DEPDC5: variants seen among roughly 807,000 people sequenced by gnomAD.
DEPDC5 encodes the protein GATOR1 complex protein DEPDC5.
Under a neutral mutation model 217.3 loss-of-function variants are expected in DEPDC5, and 73 were observed. The observed-to-expected ratio is 0.34, with a 90% CI of 0.28 to 0.41. The LOEUF is 0.41. DEPDC5 is among the 10% of genes least tolerant of loss of function. The probability of loss-of-function intolerance (pLI) is 1.00; values close to 1 mark genes in which losing one functional copy is unlikely to be tolerated. For synonymous variants in DEPDC5, 733 were observed against 756.7 expected (o/e 0.97, Z 0.51); for missense variants, 1,675 against 2,070.1 (o/e 0.81, Z 3.70).
chr22:31,864,111 CTT>C lies in DEPDC5; in HGVS notation c.3330+2691_3330+2692del, dbSNP rs71783325. Among the ~76,000 whole-genome samples, 188 of 141,390 alleles carry C rather than the reference CTT, an allele frequency of 1.3e-3. 1 individual carries two copies. Among genetic ancestry groups the C allele is most frequent in the Middle Eastern group, 7.4e-3 (2 of 272 alleles). The allele number at this position is 141,390 out of a possible 152,430, so 92.8% of individuals were successfully genotyped here. ...GCCAATGGAGTCAGTTGGATGCTTT[CTT>C]TTTTTTTTTTTTGAGATGGAATTTC... On this transcript the variant is annotated intron_variant, in intron 33 of 42. Coordinates refer to ENST00000651528, the MANE Select transcript of DEPDC5 (RefSeq NM_001242896.3).
chr22:31,821,834 C>A (rs2089725272), intron 23 of DEPDC5, among the ~76,000 whole-genome samples, 197 bp downstream of exon 23: 1 of 152,196 alleles, frequency 6.6e-6, no homozygotes, highest in African/African-American at 2.4e-5. Context: ...ACATTTTTGC[C>A]TGAGATGTTA....
intron 3 of DEPDC5, 25 bp from the exon 4 acceptor site, chr22:31,760,631 A>G (rs374688670): frequency 1.0e-4 from 165 of 1,607,778 alleles, no homozygotes; most frequent in Admixed American, 5.5e-4. Context: ...CGGTATCCCA[A>G]CTCTCTTGTT....
At chr22:31,755,881 AT>A (rs983618982) in intron 2 of DEPDC5, among the ~76,000 whole-genome samples, 23 of 148,440 alleles carry the variant, frequency 1.5e-4, no homozygotes, top group Admixed American at 7.4e-4. Context: ...ATTTATTGGC[AT>A]TTTTTTTTTG....
chr22:31,770,377 GT>G (rs1350673462), intron 7 of DEPDC5, among the ~76,000 whole-genome samples: 1 of 150,696 alleles, frequency 6.6e-6, no homozygotes, highest in African/African-American at 2.4e-5. Flanking sequence ...TTTATGTCTT[GT>G]TTTTTTGTTT....
At chr22:31,771,779 A>ACACACG (rs2083388657) in intron 7 of DEPDC5, among the ~76,000 whole-genome samples, 1 of 142,156 alleles carries the variant, frequency 7.0e-6, no homozygotes, top group African/African-American at 2.6e-5. Flanking sequence ...ACACACACAC[A>ACACACG]CAGTTAGGAC....
Position 31,906,318 on chromosome 22 carries a change from G to T in DEPDC5, c.4633G>T (p.Gly1545Cys), listed in dbSNP as rs1229311796. ...GAACATGTTCTGCGAGGAGCGGGTC[G>T]GCTACAACTGGGCCTACAACACCAT... ...NQNMFCEERV[G>C]YNWAYNTMLT... is the part of the protein sequence containing the mutation. The change falls in exon 43 of 43, where the codon GGC becomes TGC. Residue 1545 changes from glycine to cysteine, a missense_variant. Physicochemically the swap from Gly to Cys is radical, Grantham distance 159 (BLOSUM62 -3). Coordinates refer to ENST00000651528, the MANE Select transcript of DEPDC5 (RefSeq NM_001242896.3). The surrounding 1 kb of genome is among the most constrained non-coding windows in gnomAD (Gnocchi z 5.1). 6.2e-7 allele frequency: 1 copy of T among 1,613,954 alleles called. No homozygotes were observed. The highest frequency in any genetic ancestry group is 1.7e-5 in the Admixed American group (1 of 60,030).
intron 24 of DEPDC5, among the ~76,000 whole-genome samples, chr22:31,833,029 T>A (rs780770848): frequency 2.6e-5 from 4 of 152,246 alleles, no homozygotes; most frequent in Non-Finnish European, 5.9e-5. Flanking sequence ...GAATGTTTAG[T>A]GAGCATCTTT....
intron 24 of DEPDC5, among the ~76,000 whole-genome samples, chr22:31,833,316 G>T (rs112522247): frequency 0.017 from 2,605 of 152,212 alleles, 80 homozygotes; most frequent in African/African-American, 0.06. Context: ...GAATCTTCCG[G>T]TTTTTCCTTT....
At chr22:31,853,758 G>A (rs1045965983) in intron 31 of DEPDC5, among the ~76,000 whole-genome samples, 1 of 152,176 alleles carries the variant, frequency 6.6e-6, no homozygotes, top group African/African-American at 2.4e-5. Flanking sequence ...TGGGCAGCAG[G>A]TGCTGGCCAG....
chr22:31,841,629 A>G (rs910077037), intron 27 of DEPDC5, among the ~76,000 whole-genome samples: 2 of 152,218 alleles, frequency 1.3e-5, no homozygotes, highest in African/African-American at 2.4e-5. Context: ...GCTCGCAATC[A>G]GTCTGATTGG....
chr22:31,762,783 A>C (rs1410664069), intron 4 of DEPDC5, among the ~76,000 whole-genome samples: 1 of 151,772 alleles, frequency 6.6e-6, no homozygotes, highest in Non-Finnish European at 1.5e-5. Context: ...AAATAAATAA[A>C]ATAAAGGGCT....
intron 3 of DEPDC5, among the ~76,000 whole-genome samples, chr22:31,760,416 G>A (rs2082292922): frequency 6.6e-6 from 1 of 152,040 alleles, no homozygotes; most frequent in Non-Finnish European, 1.5e-5. Context: ...GTGTTAGCCA[G>A]GATGGTCTCG....
At chr22:31,887,447 G>C (rs1028204844) in intron 38 of DEPDC5, among the ~76,000 whole-genome samples, 6 of 126,288 alleles carry the variant, frequency 4.8e-5, no homozygotes, top group Non-Finnish European at 6.8e-5. Context: ...AAAGAGAAAA[G>C]TCATATGTCC....
chr22:31,789,765 CT>C (rs1001026900), intron 10 of DEPDC5, among the ~76,000 whole-genome samples: 44 of 144,472 alleles, frequency 3.0e-4, no homozygotes, highest in Non-Finnish European at 2.6e-4. Context: ...CATCAGCTTG[CT>C]TTTTTTTTTT....
At chr22:31,841,878 C>G (rs1358022435) in intron 27 of DEPDC5, among the ~76,000 whole-genome samples, 4 of 152,130 alleles carry the variant, frequency 2.6e-5, no homozygotes. Context: ...GCCTCCAGAC[C>G]CTGTTCTCCT....
intron 4 of DEPDC5, among the ~76,000 whole-genome samples, chr22:31,760,981 TG>T (rs1427769899): frequency 2.0e-5 from 3 of 151,604 alleles, no homozygotes; most frequent in African/African-American, 7.3e-5. Context: ...GTCTTAACAT[TG>T]TTTTTTTTTT....
chr22:31,756,576 T>A (rs1245291074), intron 2 of DEPDC5, among the ~76,000 whole-genome samples: 1 of 152,150 alleles, frequency 6.6e-6, no homozygotes, highest in Non-Finnish European at 1.5e-5. Context: ...ATGTATAAAA[T>A]ACAAAGGTAG....
intron 31 of DEPDC5, among the ~76,000 whole-genome samples, chr22:31,852,723 C>CT (rs2092096041): frequency 1.3e-5 from 2 of 152,128 alleles, no homozygotes; most frequent in Admixed American, 6.5e-5. Context: ...GACAAGTACT[C>CT]TTTTTTAAAA....
chr22:31,844,898 A>G (rs2091632579), intron 29 of DEPDC5, 120 bp from the exon 30 acceptor site: 1 of 997,754 alleles, frequency 1.0e-6, no homozygotes, highest in African/African-American at 1.6e-5. Flanking sequence ...GTAGCATCAA[A>G]TGAGCACATA....
Sources: allele counts gnomAD v4.1 joint callset (sites outside exome capture counted in the v4.1 genomes callset), GRCh38; gene constraint gnomAD v4.1.1; non-coding constraint Gnocchi (gnomAD v3.1); transcripts MANE v1.5; gene names NCBI Gene and HGNC (gene_info 2026-07-23, HGNC 2026-07-21).